Variants in EPHB2 observed in about 807,000 individuals in gnomAD.
EPHB2 encodes ephrin type-B receptor 2.
In EPHB2, 18 loss-of-function variants were observed where a neutral mutation model predicts 96.4. The observed-to-expected ratio is 0.19, with a 90% CI of 0.13 to 0.28. EPHB2 has a LOEUF of 0.28. EPHB2 is among the 10% of genes least tolerant of loss of function. The pLI, the probability that EPHB2 is intolerant of heterozygous loss-of-function variation, is 1.00. For synonymous variants in EPHB2, 506 were observed against 534.1 expected, an observed-to-expected ratio of 0.95 and a Z score of 0.72; for missense variants, 989 against 1,355.4, an observed-to-expected ratio of 0.73 and a Z score of 4.25.
chr1:22,755,944 A>G (rs35994351), intron 1 of EPHB2, among the ~76,000 whole-genome samples: 140,918 of 152,164 alleles, frequency 0.93, 66,215 homozygotes, highest in East Asian at 1. Context: ...CTCTAGAAAG[A>G]TAGTTCTTTG....
chr1:22,868,917 A>G (rs1638570859), intron 5 of EPHB2, among the ~76,000 whole-genome samples: 1 of 152,142 alleles, frequency 6.6e-6, no homozygotes, highest in African/African-American at 2.4e-5. Flanking sequence ...TCCAGAACAC[A>G]GATTTCTCTC....
intron 1 of EPHB2, among the ~76,000 whole-genome samples, chr1:22,752,828 G>C (rs552434236): frequency 6.6e-6 from 1 of 152,054 alleles, no homozygotes; most frequent in Non-Finnish European, 1.5e-5. Flanking sequence ...CTGTCGCCCC[G>C]GCTGGAGTGC....
intron 1 of EPHB2, chr1:22,774,753 C>A: frequency 3.1e-6 from 1 of 327,724 alleles, no homozygotes; most frequent in Non-Finnish European, 4.4e-6. Flanking sequence ...TTAGGAACAT[C>A]ACCCAGCTGC....
intron 1 of EPHB2, among the ~76,000 whole-genome samples, chr1:22,765,739 G>A (rs147886425): frequency 6.6e-5 from 10 of 152,044 alleles, no homozygotes; most frequent in African/African-American, 1.9e-4. Context: ...CAGTCTTTCC[G>A]TCTCTGCATT....
chr1:22,728,198 G>GACTT (rs1162841312), intron 1 of EPHB2, among the ~76,000 whole-genome samples: 1 of 152,126 alleles, frequency 6.6e-6, no homozygotes, highest in Non-Finnish European at 1.5e-5. Context: ...TGGCACCTAG[G>GACTT]ACTTAGCAGG....
At chr1:22,903,653 A>C (rs535269806) in intron 9 of EPHB2, among the ~76,000 whole-genome samples, 149 of 152,322 alleles carry the variant, frequency 9.8e-4, no homozygotes, top group African/African-American at 3.3e-3. Context: ...CTTTCCTCCA[A>C]GAGTTTTTGA....
intron 3 of EPHB2, among the ~76,000 whole-genome samples, chr1:22,807,778 A>G (rs79181034): frequency 0.015 from 2,297 of 152,314 alleles, 63 homozygotes; most frequent in African/African-American, 0.052. Flanking sequence ...CAAAAGGTGA[A>G]TGGTTCTCAA....
chr1:22,860,158 TTGGAAAGGTCTGCACTCCAGAGAGC>T lies in EPHB2; in HGVS notation c.812-2877_812-2853del, dbSNP rs1645771748. 6.6e-6 allele frequency among the ~76,000 whole-genome samples: 1 copy of T among 152,084 alleles called. No homozygotes were observed. Among genetic ancestry groups the T allele is most frequent in the Non-Finnish European group, 1.5e-5 (1 of 67,998 alleles). ...ATGTGCCATTGTGGATTTTTAAGAC[TTGGAAAGGTCTGCACTCCAGAGAGC>T]TAGTTTGGAGAGTGGGTGGGTGGGA... On this transcript the variant is annotated intron_variant, in intron 3 of 15. Transcript: ENST00000374630. This position sits in a 1 kb window ranked among gnomAD's most constrained non-coding sequence, Gnocchi z 4.6.
intron 13 of EPHB2, 94 bp downstream of exon 13, chr1:22,909,265 G>T: frequency 6.3e-7 from 1 of 1,589,030 alleles, no homozygotes; most frequent in Non-Finnish European, 8.6e-7. Context: ...CTCCCAGAGT[G>T]TGGGACATAG....
chr1:22,877,260 C>T (rs941507527), intron 5 of EPHB2, among the ~76,000 whole-genome samples: 7 of 152,198 alleles, frequency 4.6e-5, no homozygotes, highest in Non-Finnish European at 8.8e-5. Context: ...TTCACACTTC[C>T]GTGCGTCCAT....
chr1:22,760,031 A>C lies in EPHB2; in HGVS notation c.62-21390A>C, dbSNP rs576132302. The stretch of plus-strand genomic sequence containing the variant: ...GGTTCAAGAGGCACCTGCATCCTCT[A>C]ATTTGCTATAGAGGCCAAACCTCTG... On this transcript the variant is annotated intron_variant, in intron 1 of 15. Coordinates refer to ENST00000374630, the MANE Select transcript of EPHB2 (RefSeq NM_017449.5). 2.0e-5 allele frequency among the ~76,000 whole-genome samples: 3 copies of C among 152,272 alleles called. No homozygotes were observed. In the South Asian group the frequency reaches 6.2e-4, roughly 32 times the overall value.
chr1:22,770,123 A>T (rs1457475503), intron 1 of EPHB2, among the ~76,000 whole-genome samples: 1 of 151,812 alleles, frequency 6.6e-6, no homozygotes, highest in African/African-American at 2.4e-5. Flanking sequence ...GGGTGGGTGG[A>T]ATGTTGGGTA....
intron 5 of EPHB2, among the ~76,000 whole-genome samples, chr1:22,865,511 A>C (rs992507308): frequency 6.6e-6 from 1 of 152,212 alleles, no homozygotes; most frequent in Admixed American, 6.5e-5. Flanking sequence ...TCATGGGAGA[A>C]TCCAGAGGTG....
Position 22,895,512 on chromosome 1 carries a change from C to T in EPHB2, c.1632C>T (p.Ile544=). The change falls in exon 8 of 16, where the codon ATC becomes ATT. Residue 544 remains isoleucine (I), a synonymous_variant. Transcript: ENST00000374630. ...GCATCCAGGAGAAGTTGCCACTCAT[C>T]ATCGGCTCCTCGGCCGCTGGCCTGG... is the stretch of plus-strand genomic sequence containing the variant. The part of the protein sequence containing the change: ...QTSIQEKLPL[I]IGSSAAGLVF... 1 of 1,614,272 alleles carries T rather than the reference C, an allele frequency of 6.2e-7. No individual in the cohort carries two copies.
chr1:22,760,213 AATT>A (rs1644215786), intron 1 of EPHB2, among the ~76,000 whole-genome samples: 1 of 151,770 alleles, frequency 6.6e-6, no homozygotes, highest in Admixed American at 6.6e-5. Flanking sequence ...ACTCAGAAAT[AATT>A]ATCTCCCCGC....
At position 22,718,261 on chromosome 1, in the gene EPHB2, A is replaced by G. The variant is rs149691292; in HGVS notation, c.61+7218A>G. On this transcript the variant is annotated intron_variant, in intron 1 of 15. Transcript: ENST00000374630. ...TCTCAAAGGCCCCCTCCCCACTCCA[A>G]TTCAGCCTCCCTAATCTGGGAAAGG... Among the ~76,000 whole-genome samples, 636 of 151,778 alleles carry G rather than the reference A, an allele frequency of 4.2e-3. 5 individuals carry two copies. Among genetic ancestry groups the G allele is most frequent in the African/African-American group, 0.015 (602 of 41,360 alleles).
chr1:22,795,075 C>T (rs990709432), intron 3 of EPHB2, among the ~76,000 whole-genome samples: 1 of 152,212 alleles, frequency 6.6e-6, no homozygotes, highest in African/African-American at 2.4e-5. Context: ...GGCCTCACCC[C>T]ACCCTGTTTG....
rs1423846326 is a variant in EPHB2 at position 22,918,978 on chromosome 1, A to T, written c.*5408A>T. ...TAGTCCTTCCTTCCCACCTCCTGGG[A>T]TTTCTCAAAATGTTTGCCATCGCCC... On this transcript the variant is annotated 3_prime_UTR_variant, in exon 16 of 16. Transcript: ENST00000374630. This position sits in a 1 kb window ranked among gnomAD's most constrained non-coding sequence, Gnocchi z 4.2. 3 of 152,116 alleles carry T rather than the reference A, an allele frequency of 2.0e-5. No individual in the cohort carries two copies. Among genetic ancestry groups the T allele is most frequent in the Non-Finnish European group, 2.9e-5 (2 of 68,030 alleles). 9.4% of individuals were successfully genotyped at this position (152,116 alleles called of 1,614,324 possible). A position where few individuals can be genotyped will look rare whatever the true frequency, so the allele number is the denominator to read the frequency against.
At chr1:22,809,085 C>T (rs895660349) in intron 3 of EPHB2, among the ~76,000 whole-genome samples, 4 of 152,372 alleles carry the variant, frequency 2.6e-5, no homozygotes, top group East Asian at 1.9e-4. Flanking sequence ...CCCATTTCCT[C>T]GGGCCCAGAC....
Sources: gnomAD v4.1 joint callset for allele counts (sites outside exome capture counted in the v4.1 genomes callset) on GRCh38, gnomAD v4.1.1 for gene constraint, Gnocchi (gnomAD v3.1) non-coding constraint, MANE v1.5 for transcripts, NCBI Gene and HGNC (gene_info 2026-07-23, HGNC 2026-07-21) for gene names.